MACF1: variants seen among roughly 807,000 people sequenced by gnomAD.
MACF1 encodes the protein microtubule actin crosslinking factor 1.
MACF1 carries 193 observed loss-of-function variants against 854.8 expected under a neutral mutation model. The ratio of observed to expected loss-of-function variants is 0.23; its 90% CI spans 0.20 to 0.25. The LOEUF is 0.25. MACF1 is among the 10% of genes least tolerant of loss of function. The pLI is 1.00. For missense variants in MACF1, 7,722 were observed against 8,929.1 expected, an observed-to-expected ratio of 0.86 and a Z score of 5.45; for synonymous variants, 3,185 against 3,226.7, an observed-to-expected ratio of 0.99 and a Z score of 0.44.
At chr1:39,289,750 C>T (rs1418723355) in intron 15 of MACF1, among the ~76,000 whole-genome samples, 1 of 98,428 alleles carries the variant, frequency 1.0e-5, no homozygotes, top group Non-Finnish European at 1.9e-5. Flanking sequence ...TTCTGTCTCC[C>T]AGGCTGGAGT....
intron 2 of MACF1, among the ~76,000 whole-genome samples, chr1:39,146,137 A>G (rs1306631382): frequency 6.6e-6 from 1 of 152,196 alleles, no homozygotes; most frequent in Non-Finnish European, 1.5e-5. Context: ...GTCCATCAAC[A>G]GATGAATAGA....
At chr1:39,350,572 A>G (rs1308280521) in intron 42 of MACF1, among the ~76,000 whole-genome samples, 1 of 152,238 alleles carries the variant, frequency 6.6e-6, no homozygotes, top group Non-Finnish European at 1.5e-5. Flanking sequence ...GTTCATGTTT[A>G]TGGACAACCT....
intron 80 of MACF1, among the ~76,000 whole-genome samples, chr1:39,446,358 G>A (rs1644231057): frequency 2.0e-5 from 3 of 151,356 alleles, no homozygotes; most frequent in African/African-American, 4.9e-5. Context: ...AGAATGATGT[G>A]GAAAGAATTC....
intron 79 of MACF1, 74 bp downstream of exon 79, chr1:39,443,648 T>C (rs542086294): frequency 3.5e-6 from 5 of 1,424,756 alleles, no homozygotes; most frequent in Non-Finnish European, 4.7e-6. Flanking sequence ...ACAGTCATAA[T>C]TAATATGTAT....
chr1:39,460,745 G>C lies in MACF1; in HGVS notation c.21474G>C (p.Gln7158His). The C allele has an allele frequency of 6.2e-7, 1 of 1,614,214 alleles. No homozygotes were observed. The highest frequency in any genetic ancestry group is 8.5e-7 in the Non-Finnish European group (1 of 1,180,024). Reference sequence around the variant, plus strand: ...TCTTCCGGCGCATTGATAAGGACCAGGATGGGAAGATAACACGTCAGGAGT... The same window carrying C: ...TCTTCCGGCGCATTGATAAGGACCACGATGGGAAGATAACACGTCAGGAGT... ...MDFFRRIDKDQDGKITRQEFI... is the reference protein window; with the variant it reads ...MDFFRRIDKDHDGKITRQEFI... The change falls in exon 92 of 101, where the codon CAG becomes CAC. Residue 7158 changes from glutamine (Q) to histidine (H), a missense_variant. By Grantham distance (24) the Gln-to-His change is conservative. Around this residue, in one of 15 missense-constraint regions of MACF1, gnomAD observed 153 missense variants for 342.5 expected, o/e 0.45. Transcript: ENST00000564288. The surrounding 1 kb of genome is among the most constrained non-coding windows in gnomAD (Gnocchi z 4.1).
intron 2 of MACF1, among the ~76,000 whole-genome samples, chr1:39,126,481 A>G (rs896243399): frequency 6.6e-6 from 1 of 152,164 alleles, no homozygotes; most frequent in Non-Finnish European, 1.5e-5. Flanking sequence ...GGGGGATACA[A>G]TTCATCCTAT....
chr1:39,295,825 G>A lies in MACF1; in HGVS notation c.2298G>A (p.Met766Ile), dbSNP rs2148405761. The change falls in exon 20 of 101, where the codon ATG becomes ATA. Residue 766 changes from methionine (M) to isoleucine (I), a missense_variant. Met to Ile is a conservative substitution (Grantham distance 10). Transcript: ENST00000564288. ...CTGTCCAGTCCCAGTTGCAGTGGAT[G>A]AAGCAGCTGTGCCTGTGTGTTGAGC... is the stretch of plus-strand genomic sequence containing the variant. The part of the protein sequence containing the change: ...SAAVQSQLQW[M>I]KQLCLCVEQH... 1.2e-6 allele frequency: 2 copies of A among 1,614,140 alleles called. No homozygotes were observed. Among genetic ancestry groups the A allele is most frequent in the Middle Eastern group, 1.6e-4 (1 of 6,062 alleles).
At chr1:39,458,334 T>A (rs1368466922) in intron 89 of MACF1, 36 bp from the exon 90 acceptor site, 1 of 1,603,804 alleles carries the variant, frequency 6.2e-7, no homozygotes. Context: ...AAAAATACAA[T>A]ATTTAACTCT....
At chr1:39,149,714 C>T (rs1416256198) in intron 2 of MACF1, among the ~76,000 whole-genome samples, 1 of 135,712 alleles carries the variant, frequency 7.4e-6, no homozygotes, top group Non-Finnish European at 1.6e-5. Flanking sequence ...AGAAGAGAGC[C>T]AGGGTTCAGT....
intron 88 of MACF1, 93 bp from the exon 89 acceptor site, chr1:39,454,816 A>G: frequency 8.9e-7 from 1 of 1,119,476 alleles, no homozygotes; most frequent in Non-Finnish European, 1.3e-6. Context: ...AATAAAATAA[A>G]AAGCCATTAT....
chr1:39,359,283 A>G lies in MACF1; in HGVS notation c.12244+19A>G, dbSNP rs1244663582. The G allele has an allele frequency of 1.9e-6, 3 of 1,613,374 alleles. No homozygotes were observed. The highest frequency in any genetic ancestry group is 2.5e-6 in the Non-Finnish European group (3 of 1,179,596). On this transcript the variant is annotated intron_variant, in intron 47 of 100. Coordinates refer to ENST00000564288, the MANE Select transcript of MACF1 (RefSeq NM_001394062.1). ...ACTACAGGTATAAAGCAGCAACAGT[A>G]TAATAGTACTCCCTTAATTCCTAGT...
intron 2 of MACF1, among the ~76,000 whole-genome samples, chr1:39,154,497 A>C (rs1272837854): frequency 6.6e-6 from 1 of 151,790 alleles, no homozygotes; most frequent in African/African-American, 2.4e-5. Flanking sequence ...TGGGAGGGGG[A>C]CCTTTGTTTT....
In MACF1 at chr1:39,361,665, C is replaced by T; in HGVS notation, c.12759C>T (p.Phe4253=). Residue 4253 remains phenylalanine, a synonymous_variant, in exon 49 of 101, where the codon TTC becomes TTT. Coordinates refer to ENST00000564288, the MANE Select transcript of MACF1 (RefSeq NM_001394062.1). Reference sequence around the variant, plus strand: ...CAGATCAAGATATTACACATTTCTTCCAACAGATCCAGGTGAGGATATATC... The same window carrying T: ...CAGATCAAGATATTACACATTTCTTTCAACAGATCCAGGTGAGGATATATC... The part of the protein sequence containing the change: ...NQPDQDITHF[F]QQIQELNLEM... The T allele has an allele frequency of 6.2e-7, 1 of 1,614,048 alleles. No individual in the cohort carries two copies. The highest frequency in any genetic ancestry group is 8.5e-7 in the Non-Finnish European group (1 of 1,179,978).
intron 58 of MACF1, among the ~76,000 whole-genome samples, chr1:39,389,446 A>G (rs1417222257): frequency 2.3e-5 from 3 of 128,738 alleles, no homozygotes; most frequent in East Asian, 4.8e-4. Context: ...TGAAACCTCC[A>G]CCTCCGGGGT....
At position 39,111,539 on chromosome 1, in the gene MACF1, A is replaced by G. The variant is rs112137185; in HGVS notation, c.220+27101A>G. Among the ~76,000 whole-genome samples, 296 of 151,482 alleles carry G rather than the reference A, an allele frequency of 2.0e-3. 2 individuals carry two copies. The highest frequency in any genetic ancestry group is 6.9e-3 in the African/African-American group (286 of 41,252). ...CTGGGACTACAGGCGCCCACCACAC[A>G]CCCGGCTAATTTTTTGTATTTTTAG... On this transcript the variant is annotated intron_variant, in intron 2 of 93. Coordinates refer to the MACF1 transcript ENST00000361689.
rs766241729 is a variant in MACF1, at chr1:39,453,824, A to G, written c.20860A>G (p.Thr6954Ala). The change falls in exon 88 of 101, where the codon ACC becomes GCC. Residue 6954 changes from threonine (T) to alanine (A), a missense_variant. Physicochemically the swap from Thr to Ala is moderately conservative, Grantham distance 58 (BLOSUM62 0). Coordinates refer to ENST00000564288, the MANE Select transcript of MACF1 (RefSeq NM_001394062.1). ...CATCACAACCATCAAACACTGGATC[A>G]CCATCATCCGAGCTCGCTTCGAGGA... ...DCITTIKHWI[T>A]IIRARFEEVL... 6.2e-7 allele frequency: 1 copy of G among 1,614,172 alleles called. No homozygotes were observed. The highest frequency in any genetic ancestry group is 8.5e-7 in the Non-Finnish European group (1 of 1,180,020).
At chr1:39,198,435 G>A (rs958762427) in intron 2 of MACF1, among the ~76,000 whole-genome samples, 1 of 151,846 alleles carries the variant, frequency 6.6e-6, no homozygotes, top group Non-Finnish European at 1.5e-5. Context: ...GGTGGATCAT[G>A]AGGTCAGGAG....
chr1:39,279,202 G>T (rs950492255), intron 6 of MACF1, among the ~76,000 whole-genome samples: 9 of 152,116 alleles, frequency 5.9e-5, no homozygotes, highest in Non-Finnish European at 1.5e-5. Context: ...AAGATCCTAT[G>T]TCCCTTGAAT....
At chr1:39,341,921 A>T (rs1646943777) in intron 40 of MACF1, among the ~76,000 whole-genome samples, 1 of 151,822 alleles carries the variant, frequency 6.6e-6, no homozygotes, top group South Asian at 2.1e-4. Context: ...TGTTGTTTTC[A>T]GGGGTACATG....
Sources: allele counts gnomAD v4.1 joint callset (sites outside exome capture counted in the v4.1 genomes callset), GRCh38; gene constraint gnomAD v4.1.1; regional missense constraint gnomAD v4.1.1; non-coding constraint Gnocchi (gnomAD v3.1); transcripts MANE v1.5; gene names NCBI Gene and HGNC (gene_info 2026-07-23, HGNC 2026-07-21).